The following SRGAP1 variants were observed in gnomAD, a reference collection of about 807,000 sequenced individuals.
The protein encoded by SRGAP1 is SLIT-ROBO Rho GTPase activating protein 1, also known as SLIT-ROBO Rho GTPase-activating protein 1.
Under a neutral mutation model 121.9 loss-of-function variants are expected in SRGAP1, and 43 were observed. The observed-to-expected ratio is 0.35, with a 90% CI of 0.28 to 0.46. The LOEUF is 0.46. Ranked by LOEUF, SRGAP1 falls within the 20% of genes least tolerant of loss-of-function variation. SRGAP1 has a pLI of 1.00. For synonymous variants in SRGAP1, 447 were observed against 485.4 expected, an observed-to-expected ratio of 0.92 and a Z score of 1.04; for missense variants, 1,102 against 1,350.9, an observed-to-expected ratio of 0.82 and a Z score of 2.89.
At chr12:64,003,064 AAGGG>A (rs1224980027) in intron 3 of SRGAP1, among the ~76,000 whole-genome samples, 4 of 71,608 alleles carry the variant, frequency 5.6e-5, no homozygotes, top group African/African-American at 2.3e-4. Flanking sequence ...GAGAGAAAGA[AAGGG>A]AGGGAGGGAG....
At chr12:64,062,389 G>A (rs2136535888) in intron 6 of SRGAP1, among the ~76,000 whole-genome samples, 1 of 152,182 alleles carries the variant, frequency 6.6e-6, no homozygotes, top group South Asian at 2.1e-4. Context: ...ATTAGACTTT[G>A]TCTTTTTATT....
intron 21 of SRGAP1, among the ~76,000 whole-genome samples, chr12:64,141,227 C>T (rs965714333): frequency 5.6e-5 from 8 of 143,146 alleles, no homozygotes; most frequent in African/African-American, 2.1e-4. Context: ...ACATATGTAA[C>T]TAACCTGCAC....
intron 1 of SRGAP1, among the ~76,000 whole-genome samples, chr12:63,960,223 A>C (rs1019588014): frequency 6.6e-6 from 1 of 152,198 alleles, no homozygotes; most frequent in Non-Finnish European, 1.5e-5. Context: ...GAATTCCGAG[A>C]GATGAATGCT....
In SRGAP1 at chr12:63,844,865, T is replaced by C. The variant is rs1456952622; in HGVS notation, c.49T>C (p.Tyr17His). The C allele has an allele frequency of 1.9e-6, 3 of 1,614,052 alleles. No individual in the cohort carries two copies. The highest frequency in any genetic ancestry group is 1.7e-5 in the Admixed American group (1 of 60,014). ...GAAGGACAAAGAGATCATAGCCGAG[T>C]ATGAAAGTCAAGTCAAAGGTAAGGA... is the stretch of plus-strand genomic sequence containing the variant. ...FKKDKEIIAE[Y>H]ESQVKEIRAQ... is the part of the protein sequence containing the mutation. The change falls in exon 1 of 22, where the codon TAT becomes CAT. Residue 17 changes from tyrosine (Y) to histidine (H), a missense_variant. Physicochemically the swap from Tyr to His is moderately conservative, Grantham distance 83. Coordinates refer to ENST00000355086, the MANE Select transcript of SRGAP1 (RefSeq NM_020762.4). This position sits in a 1 kb window ranked among gnomAD's most constrained non-coding sequence, Gnocchi z 4.3.
chr12:63,932,969 C>T (rs905980679), intron 1 of SRGAP1, among the ~76,000 whole-genome samples: 3 of 152,172 alleles, frequency 2.0e-5, no homozygotes, highest in Admixed American at 6.5e-5. Context: ...GTGGGCAGAT[C>T]ATGAGATCAA....
At chr12:63,984,352 A>C (rs1350138) in intron 2 of SRGAP1, among the ~76,000 whole-genome samples, 63,844 of 151,972 alleles carry the variant, frequency 0.42, 13,885 homozygotes, top group South Asian at 0.53. Context: ...TGTCTTTCCA[A>C]TACATATATA....
At chr12:64,105,786 A>C (rs1040836022) in intron 15 of SRGAP1, among the ~76,000 whole-genome samples, 1 of 152,024 alleles carries the variant, frequency 6.6e-6, no homozygotes, top group Non-Finnish European at 1.5e-5. Context: ...TCTGTCTCAA[A>C]AACAACAACA....
intron 1 of SRGAP1, among the ~76,000 whole-genome samples, chr12:63,864,873 A>C (rs1220187810): frequency 3.3e-5 from 5 of 152,170 alleles, no homozygotes. Context: ...TAGCCTGGGA[A>C]AATAAAACAT....
intron 8 of SRGAP1, among the ~76,000 whole-genome samples, chr12:64,075,252 T>A (rs1413356269): frequency 6.6e-6 from 1 of 152,240 alleles, no homozygotes; most frequent in African/African-American, 2.4e-5. Context: ...ATGGGCCGAA[T>A]TAAAGGAATA....
intron 2 of SRGAP1, among the ~76,000 whole-genome samples, chr12:63,986,202 TC>T (rs1181679929): frequency 6.7e-6 from 1 of 149,992 alleles, no homozygotes; most frequent in African/African-American, 2.5e-5. Context: ...TTTCTCTCTC[TC>T]CCCCCCGACA....
chr12:64,085,285 T>C lies in SRGAP1; in HGVS notation c.1409-1714T>C, dbSNP rs572312317. ...TAATATATGTAATATAAAGTGCTTA[T>C]AATGGTGTCTAATAAATATTAGACA... On this transcript the variant is annotated intron_variant, in intron 10 of 21. Transcript: ENST00000355086. Among the ~76,000 whole-genome samples, 63 of 152,362 alleles carry C rather than the reference T, an allele frequency of 4.1e-4. No individual in the cohort carries two copies. In the South Asian group the frequency reaches 0.012, roughly 28 times the overall value.
At chr12:63,858,381 C>T (rs1042248188) in intron 1 of SRGAP1, among the ~76,000 whole-genome samples, 2 of 151,532 alleles carry the variant, frequency 1.3e-5, no homozygotes, top group Non-Finnish European at 2.9e-5. Flanking sequence ...CCAGGCTGGT[C>T]TTGAATTCCT....
chr12:63,930,114 A>G (rs1233699524), intron 1 of SRGAP1, among the ~76,000 whole-genome samples: 2 of 152,186 alleles, frequency 1.3e-5, no homozygotes, highest in East Asian at 1.9e-4. Flanking sequence ...AATTAGTTCA[A>G]AAGATCCATT....
chr12:63,964,237 A>G (rs950668377), intron 1 of SRGAP1, among the ~76,000 whole-genome samples: 6 of 152,222 alleles, frequency 3.9e-5, no homozygotes, highest in African/African-American at 7.2e-5. Context: ...GTTAATTCCT[A>G]CAAAATAGAA....
At chr12:64,057,035 T>G (rs1394029728) in intron 6 of SRGAP1, among the ~76,000 whole-genome samples, 1 of 152,144 alleles carries the variant, frequency 6.6e-6, no homozygotes, top group East Asian at 1.9e-4. Flanking sequence ...TTACAGAGAT[T>G]TTAGCCTGGG....
intron 1 of SRGAP1, among the ~76,000 whole-genome samples, chr12:63,897,876 A>G (rs1457214384): frequency 1.3e-5 from 2 of 152,040 alleles, no homozygotes; most frequent in Admixed American, 6.6e-5. Context: ...TTTCATAGGT[A>G]TTTCTGGATA....
chr12:64,125,029 G>A (rs2036665860), intron 18 of SRGAP1, among the ~76,000 whole-genome samples: 1 of 152,040 alleles, frequency 6.6e-6, no homozygotes, highest in South Asian at 2.1e-4. Flanking sequence ...ATAGCTTTGT[G>A]TGACCACAAC....
In SRGAP1 at chr12:64,156,270, G is replaced by A. The variant is rs771654700; in HGVS notation, c.*13598G>A. Reference sequence around the variant, plus strand: ...GAATCCTGATTATTTTTTCCTTAATGTTGATTTTGTAGACTCATTTGCAGG... The same window carrying A: ...GAATCCTGATTATTTTTTCCTTAATATTGATTTTGTAGACTCATTTGCAGG... On this transcript the variant is annotated 3_prime_UTR_variant, in exon 22 of 22. Coordinates refer to ENST00000355086, the MANE Select transcript of SRGAP1 (RefSeq NM_020762.4). 11 of 152,044 alleles carry A rather than the reference G, an allele frequency of 7.2e-5. No homozygotes were observed. Among genetic ancestry groups the A allele is most frequent in the Non-Finnish European group, 1.6e-4 (11 of 67,988 alleles). The allele number at this position is 152,044 out of a possible 1,614,324, so 9.4% of individuals were successfully genotyped here. A position where few individuals can be genotyped will look rare whatever the true frequency, so the allele number is the denominator to read the frequency against.
intron 1 of SRGAP1, among the ~76,000 whole-genome samples, chr12:63,937,404 G>A (rs1424990226): frequency 6.6e-6 from 1 of 152,088 alleles, no homozygotes; most frequent in Non-Finnish European, 1.5e-5. Context: ...CTTGAAATAA[G>A]GGAAAACCAG....
Sources: gnomAD v4.1 joint callset for allele counts (sites outside exome capture counted in the v4.1 genomes callset) on GRCh38, gnomAD v4.1.1 for gene constraint, Gnocchi (gnomAD v3.1) non-coding constraint, MANE v1.5 for transcripts, NCBI Gene and HGNC (gene_info 2026-07-23, HGNC 2026-07-21) for gene names.